The following CRK variants were observed in gnomAD, a reference collection of about 807,000 sequenced individuals.
The protein encoded by CRK is adapter molecule crk.
A neutral mutation model predicts 29.8 loss-of-function variants in CRK; 4 were observed. The observed-to-expected ratio is 0.13, with a 90% CI of 0.07 to 0.31. The LOEUF is 0.31. Ranked by LOEUF, CRK falls within the 10% of genes least tolerant of loss-of-function variation. CRK has a pLI of 1.00. For missense variants in CRK, 274 were observed against 396.5 expected (o/e 0.69, Z 2.62); for synonymous variants, 153 against 164.9 (o/e 0.93, Z 0.55).
chr17:1,454,712 G>A (rs2074043051), intron 1 of CRK, among the ~76,000 whole-genome samples: 1 of 152,104 alleles, frequency 6.6e-6, no homozygotes, highest in African/African-American at 2.4e-5. Context: ...AAACTGCTTC[G>A]ACTTGGCAAC....
rs565303406 is a variant in CRK at position 1,450,376 on chromosome 17, G to A, written c.241+5501C>T. 5.9e-5 allele frequency among the ~76,000 whole-genome samples: 9 copies of A among 152,036 alleles called. No individual in the cohort carries two copies. The South Asian group carries it at 6.2e-4, about 11-fold the overall frequency. On this transcript the variant is annotated intron_variant, in intron 1 of 2. Transcript: ENST00000300574. Reference sequence around the variant, plus strand: ...CAAAAAATTAGCCGGGCATAGTGGCGGGCGCCTGTAGTCCCAGCTGCTCAG... The same window carrying A: ...CAAAAAATTAGCCGGGCATAGTGGCAGGCGCCTGTAGTCCCAGCTGCTCAG...
intron 2 of CRK, among the ~76,000 whole-genome samples, chr17:1,426,688 A>AC (rs1422946281): frequency 6.6e-6 from 1 of 151,960 alleles, no homozygotes; most frequent in Non-Finnish European, 1.5e-5. Context: ...AATTGGTGAA[A>AC]CCCCGTCTCT....
chr17:1,424,430 CTG>C (rs1421247270), intron 2 of CRK: 2 of 152,358 alleles, frequency 1.3e-5, no homozygotes, highest in Non-Finnish European at 2.9e-5. Context: ...AAGACCTGGC[CTG>C]TTACTGCTTG....
intron 1 of CRK, among the ~76,000 whole-genome samples, chr17:1,437,528 C>G (rs2073895990): frequency 1.3e-5 from 2 of 152,062 alleles, no homozygotes; most frequent in Admixed American, 1.3e-4. Flanking sequence ...GATGAGGAGG[C>G]CAGGAGACTA....
intron 2 of CRK, among the ~76,000 whole-genome samples, chr17:1,428,993 A>G (rs2073811104): frequency 6.6e-6 from 1 of 150,556 alleles, no homozygotes; most frequent in South Asian, 2.1e-4. Context: ...TTACTGGCGC[A>G]CGCCACCACG....
chr17:1,427,710 A>G (rs1043256054), intron 2 of CRK, among the ~76,000 whole-genome samples: 7 of 151,192 alleles, frequency 4.6e-5, no homozygotes, highest in Non-Finnish European at 8.9e-5. Context: ...GCTCACTGCA[A>G]CCTCCACCTG....
chr17:1,440,096 A>G (rs949148801), intron 1 of CRK, among the ~76,000 whole-genome samples: 5 of 151,010 alleles, frequency 3.3e-5, no homozygotes, highest in African/African-American at 7.3e-5. Flanking sequence ...TCAGGAGATC[A>G]AGACCATCCT....
At chr17:1,438,883 C>T (rs987929756) in intron 1 of CRK, among the ~76,000 whole-genome samples, 3 of 152,102 alleles carry the variant, frequency 2.0e-5, no homozygotes, top group African/African-American at 4.8e-5. Flanking sequence ...TGCTGTGTCA[C>T]GCAGGCTGGA....
intron 1 of CRK, among the ~76,000 whole-genome samples, chr17:1,440,014 G>A (rs1413088878): frequency 1.3e-5 from 2 of 151,764 alleles, no homozygotes; most frequent in Admixed American, 6.6e-5. Context: ...AAATTAGCCA[G>A]GTTGGACAGG....
intron 1 of CRK, among the ~76,000 whole-genome samples, chr17:1,446,717 G>C (rs1212276341): frequency 1.3e-5 from 2 of 149,754 alleles, no homozygotes; most frequent in Non-Finnish European, 3.0e-5. Context: ...TCAGCCTCCC[G>C]AGCAGCTGGG....
At chr17:1,454,977 CGCAGCCCCATCTTACTGAGCAA>C (rs2074045135) in intron 1 of CRK, among the ~76,000 whole-genome samples, 2 of 152,186 alleles carry the variant, frequency 1.3e-5, no homozygotes, top group African/African-American at 4.8e-5. Flanking sequence ...AGACTCAGCC[CGCAGCCCCATCTTACTGAGCAA>C]GGTGACGCCC....
At chr17:1,443,217 G>A (rs975280151) in intron 1 of CRK, among the ~76,000 whole-genome samples, 27 of 151,840 alleles carry the variant, frequency 1.8e-4, no homozygotes, top group African/African-American at 6.5e-4. Context: ...CTGACCTCAG[G>A]TGATCCCACC....
In CRK at chr17:1,423,217, T is replaced by G. The variant is rs887551495; in HGVS notation, c.*296A>C. ...GTCCATCGGTTTTCCACAGGGTGAT[T>G]TGCACTGCCTGAGAGAAAGGAGGCA... On this transcript the variant is annotated 3_prime_UTR_variant, in exon 3 of 3. Transcript: ENST00000300574. The G allele has an allele frequency of 2.0e-6, 1 of 499,018 alleles. No homozygotes were observed. Among genetic ancestry groups the G allele is most frequent in the African/African-American group, 2.0e-5 (1 of 50,668 alleles). The allele number at this position is 499,018 out of a possible 1,614,324, so 30.9% of individuals were successfully genotyped here.
intron 2 of CRK, among the ~76,000 whole-genome samples, chr17:1,424,241 AT>A (rs200924434): frequency 0.014 from 2,101 of 151,792 alleles, 44 homozygotes; most frequent in African/African-American, 0.047. Context: ...TAATTTTTGT[AT>A]TTTTAGTAGA....
chr17:1,426,726 G>A (rs2073782233), intron 2 of CRK, among the ~76,000 whole-genome samples: 1 of 152,030 alleles, frequency 6.6e-6, no homozygotes, highest in African/African-American at 2.4e-5. Flanking sequence ...AGCCAGGTGT[G>A]GTGGCAGGCG....
At chr17:1,442,065 C>G (rs964152910) in intron 1 of CRK, among the ~76,000 whole-genome samples, 1 of 151,640 alleles carries the variant, frequency 6.6e-6, no homozygotes, top group Non-Finnish European at 1.5e-5. Context: ...CCATGTTGCC[C>G]AGGCTGGTCT....
At chr17:1,430,987 G>A (rs1023869810) in intron 2 of CRK, among the ~76,000 whole-genome samples, 3 of 152,072 alleles carry the variant, frequency 2.0e-5, no homozygotes, top group Non-Finnish European at 2.9e-5. Context: ...AGAATAGCGT[G>A]AACCCTGGAG....
chr17:1,449,052 G>C (rs988187668), intron 1 of CRK, among the ~76,000 whole-genome samples: 17 of 152,206 alleles, frequency 1.1e-4, no homozygotes, highest in African/African-American at 2.2e-4. Context: ...AAGTGGCTTG[G>C]CCCAGCTGCC....
intron 2 of CRK, among the ~76,000 whole-genome samples, chr17:1,427,580 G>A (rs1002067463): frequency 6.6e-6 from 1 of 151,570 alleles, no homozygotes; most frequent in African/African-American, 2.4e-5. Flanking sequence ...GTAACAGAGC[G>A]AGACTCAGTC....
Sources: gnomAD v4.1 joint callset for allele counts (sites outside exome capture counted in the v4.1 genomes callset) on GRCh38, gnomAD v4.1.1 for gene constraint, MANE v1.5 for transcripts, NCBI Gene and HGNC (gene_info 2026-07-23, HGNC 2026-07-21) for gene names.